STRN: variants seen among roughly 807,000 people sequenced by gnomAD.
STRN encodes striatin.
STRN carries 53 observed loss-of-function variants against 96.3 expected under a neutral mutation model. The observed-to-expected ratio is 0.55, with a 90% CI of 0.44 to 0.69. The LOEUF (loss-of-function observed/expected upper bound fraction) is 0.69, where lower values mean the gene tolerates loss of function less well. STRN is among the 30% of genes least tolerant of loss of function. STRN has a pLI of 0.00. For missense variants in STRN, 987 were observed against 963.9 expected (o/e 1.02, Z -0.32); for synonymous variants, 428 against 355.9 (o/e 1.20, Z -2.28).
rs1314756009 is a variant in STRN at position 36,846,387 on chromosome 2, T to TTTTATATATATATATATATA, written c.*3068_*3069insTATATATATATATATATAAA. On this transcript the variant is annotated 3_prime_UTR_variant, in exon 18 of 18. Coordinates refer to ENST00000263918, the MANE Select transcript of STRN (RefSeq NM_003162.4). ...CAAAACAGTAAAATGCACCTATGGT[T>TTTTATATATATATATATATA]TATATATATATATATATATATATAT... is the stretch of plus-strand genomic sequence containing the variant. 3 of 78,342 alleles carry TTTTATATATATATATATATA rather than the reference T, an allele frequency of 3.8e-5. No homozygotes were observed. The highest frequency in any genetic ancestry group is 6.5e-5 in the Non-Finnish European group (3 of 46,196). 4.9% of individuals were successfully genotyped at this position (78,342 alleles called of 1,614,324 possible). A position where few individuals can be genotyped will look rare whatever the true frequency, so the allele number is the denominator to read the frequency against.
rs1389965524 is a variant in STRN, at chr2:36,906,493, G to GAATGAA, written c.413-876_413-875insTTCATT. Among the ~76,000 whole-genome samples the GAATGAA allele has an allele frequency of 5.6e-3, 464 of 83,112 alleles. 17 individuals are homozygous for GAATGAA. The East Asian group carries it at 0.12, about 21-fold the overall frequency. 54.5% of individuals were successfully genotyped at this position (83,112 alleles called of 152,430 possible). A position where few individuals can be genotyped will look rare whatever the true frequency, so the allele number is the denominator to read the frequency against. On this transcript the variant is annotated intron_variant, in intron 3 of 17. Transcript: ENST00000263918. ...AATGAATGAATGAATGAATGAATGA[G>GAATGAA]TAACAAATAAATAATTTTTTTAAAA...
At chr2:36,853,072 G>A (rs552863253) in intron 15 of STRN, among the ~76,000 whole-genome samples, 7 of 152,176 alleles carry the variant, frequency 4.6e-5, no homozygotes, top group South Asian at 4.1e-4. Context: ...CAGGAGAATC[G>A]CTTGAGCCCA....
chr2:36,915,293 C>T (rs551066880), intron 3 of STRN, among the ~76,000 whole-genome samples: 10 of 121,966 alleles, frequency 8.2e-5, no homozygotes, highest in South Asian at 2.9e-4. Context: ...GCACAAGGTA[C>T]GTATTTCAGT....
intron 1 of STRN, among the ~76,000 whole-genome samples, chr2:36,959,640 C>T (rs1030221974): frequency 2.6e-5 from 4 of 152,134 alleles, no homozygotes; most frequent in East Asian, 1.9e-4. Context: ...ATTCTACTGC[C>T]TAAAAATAAA....
rs1668021551 is a variant in STRN, at chr2:36,844,650, G to T, written c.*4806C>A. ...GCCAGAATCAATGAGTGGGATCTAG[G>T]GATCTGTTTGGCCTAACATTTGTTT... is the stretch of plus-strand genomic sequence containing the variant. On this transcript the variant is annotated 3_prime_UTR_variant, in exon 18 of 18. Coordinates refer to ENST00000263918, the MANE Select transcript of STRN (RefSeq NM_003162.4). 1 of 151,874 alleles carries T rather than the reference G, an allele frequency of 6.6e-6. No individual in the cohort carries two copies. The highest frequency in any genetic ancestry group is 6.6e-5 in the Admixed American group (1 of 15,216). The allele number at this position is 151,874 out of a possible 1,614,324, so 9.4% of individuals were successfully genotyped here.
At chr2:36,867,987 C>A in intron 11 of STRN, 126 bp from the exon 12 acceptor site, 1 of 554,614 alleles carries the variant, frequency 1.8e-6, no homozygotes, top group Non-Finnish European at 3.0e-6. Context: ...CTACACGATA[C>A]GTAAGAAAGC....
intron 10 of STRN, among the ~76,000 whole-genome samples, chr2:36,876,613 A>C (rs1466794996): frequency 6.6e-6 from 1 of 152,174 alleles, no homozygotes; most frequent in Non-Finnish European, 1.5e-5. Context: ...CAAGAGATAC[A>C]TTGTGTTTTC....
intron 6 of STRN, among the ~76,000 whole-genome samples, chr2:36,897,122 A>G (rs2953466): frequency 0.87 from 131,546 of 151,582 alleles, 58,554 homozygotes; most frequent in Non-Finnish European, 0.96. Flanking sequence ...AGCTGAGATT[A>G]CACCACTGCA....
At chr2:36,871,821 G>A (rs1191162371) in intron 10 of STRN, among the ~76,000 whole-genome samples, 1 of 152,120 alleles carries the variant, frequency 6.6e-6, no homozygotes, top group African/African-American at 2.4e-5. Flanking sequence ...GTAAGTGGAG[G>A]GGCCTGGATT....
chr2:36,946,800 C>T (rs1349158528), intron 1 of STRN, among the ~76,000 whole-genome samples: 4 of 152,104 alleles, frequency 2.6e-5, no homozygotes, highest in Non-Finnish European at 5.9e-5. Context: ...CAAATAAGAA[C>T]TAAAACTGTT....
At chr2:36,871,273 C>T (rs1362415507) in intron 10 of STRN, among the ~76,000 whole-genome samples, 3 of 152,182 alleles carry the variant, frequency 2.0e-5, no homozygotes, top group African/African-American at 7.2e-5. Context: ...CTCACTGACT[C>T]ATTCAGAGCA....
intron 2 of STRN, among the ~76,000 whole-genome samples, chr2:36,922,859 C>A (rs1334609493): frequency 6.6e-6 from 1 of 152,196 alleles, no homozygotes; most frequent in Admixed American, 6.5e-5. Flanking sequence ...ATGAAAATAA[C>A]CACTCCGGGC....
intron 4 of STRN, 54 bp downstream of exon 4, chr2:36,905,486 A>G (rs1669796948): frequency 1.3e-6 from 2 of 1,501,012 alleles, no homozygotes; most frequent in African/African-American, 2.7e-5. Flanking sequence ...AAATAACTTC[A>G]TAAAACTGTT....
Position 36,902,510 on chromosome 2 carries a change from G to A in STRN, c.659+74C>T, listed in dbSNP as rs961516059. On this transcript the variant is annotated intron_variant, in intron 5 of 17. Transcript: ENST00000263918. ...TCTATGTCACTACCTAAAAGTACAAGTAATGTCCATAAAACCAAAAATATT... is the reference window on the plus strand; with the variant it reads ...TCTATGTCACTACCTAAAAGTACAAATAATGTCCATAAAACCAAAAATATT... 6 of 1,214,838 alleles carry A rather than the reference G, an allele frequency of 4.9e-6. No homozygotes were observed. The African/African-American group carries it at 6.1e-5, about 12-fold the overall frequency. 75.3% of individuals were successfully genotyped at this position (1,214,838 alleles called of 1,614,324 possible).
rs2148112817 is a variant in STRN at position 36,843,323 on chromosome 2, G to T, written c.*6133C>A. On this transcript the variant is annotated 3_prime_UTR_variant, in exon 18 of 18. Coordinates refer to ENST00000263918, the MANE Select transcript of STRN (RefSeq NM_003162.4). ...TGGAACAAAAAGACTGTGAGTTCTG[G>T]GCAGGCCAAAGGCCTTGAAAAATAA... Among the ~76,000 whole-genome samples, 1 of 152,242 alleles carries T rather than the reference G, an allele frequency of 6.6e-6. No homozygotes were observed. The highest frequency in any genetic ancestry group is 2.1e-4 in the South Asian group (1 of 4,830).
At chr2:36,862,643 A>C (rs1456065363) in intron 12 of STRN, among the ~76,000 whole-genome samples, 3 of 149,654 alleles carry the variant, frequency 2.0e-5, no homozygotes, top group Non-Finnish European at 4.4e-5. Context: ...ATAAGTGATG[A>C]TGAGCATTTT....
chr2:36,904,579 C>G (rs908712846), intron 4 of STRN, among the ~76,000 whole-genome samples: 2 of 152,194 alleles, frequency 1.3e-5, no homozygotes, highest in African/African-American at 4.8e-5. Flanking sequence ...GTAATCCCAG[C>G]ACTTTGGGAG....
chr2:36,918,282 C>G (rs1397995269), intron 2 of STRN, among the ~76,000 whole-genome samples: 1 of 152,028 alleles, frequency 6.6e-6, no homozygotes, highest in Non-Finnish European at 1.5e-5. Flanking sequence ...AAACAAAGTT[C>G]TAAATGTAAC....
At chr2:36,856,063 G>C (rs1423345552) in intron 14 of STRN, among the ~76,000 whole-genome samples, 1 of 151,986 alleles carries the variant, frequency 6.6e-6, no homozygotes, top group Non-Finnish European at 1.5e-5. Context: ...GCAAACAAAA[G>C]AAATGCTCAT....
Sources: gnomAD v4.1 joint callset for allele counts (sites outside exome capture counted in the v4.1 genomes callset) on GRCh38, gnomAD v4.1.1 for gene constraint, MANE v1.5 for transcripts, NCBI Gene and HGNC (gene_info 2026-07-23, HGNC 2026-07-21) for gene names.